Variants in PHB2 observed in about 807,000 individuals in gnomAD.
The protein encoded by PHB2 is prohibitin-2.
PHB2 carries 22 observed loss-of-function variants against 46.4 expected under a neutral mutation model. The observed-to-expected ratio is 0.47, with a 90% CI of 0.34 to 0.68. The LOEUF (loss-of-function observed/expected upper bound fraction) is 0.68. Among genes scored for constraint, PHB2 ranks in the 30% least tolerant of loss-of-function variants. PHB2 has a pLI of 0.01. For synonymous variants in PHB2, 156 were observed against 150.5 expected, an observed-to-expected ratio of 1.04 and a Z score of -0.27; for missense variants, 305 against 382.8, an observed-to-expected ratio of 0.80 and a Z score of 1.70.
In PHB2 at chr12:6,968,403, A is replaced by G; in HGVS notation, c.477+8T>C. On this transcript the variant is annotated splice_region_variant and intron_variant, in intron 4 of 9. Transcript: ENST00000535923. ...CTGACACCACGCAGATGGTGGTGGG[A>G]GTCAGACCTGGGCCCGCTGGGTGAT... is the stretch of plus-strand genomic sequence containing the variant. 2 of 1,594,224 alleles carry G rather than the reference A, an allele frequency of 1.3e-6. No individual in the cohort carries two copies.
At chr12:6,969,107 G>A (rs782749482) in intron 3 of PHB2, among the ~76,000 whole-genome samples, 13 of 152,066 alleles carry the variant, frequency 8.5e-5, no homozygotes, top group Non-Finnish European at 1.9e-4. Context: ...TTTTATGTAT[G>A]GTCTAGAAGG....
rs782488203 is a variant in PHB2 at position 6,970,403 on chromosome 12, C to A, written c.127+14G>T. The A allele has an allele frequency of 1.2e-6, 2 of 1,603,770 alleles. No individual in the cohort carries two copies. The highest frequency in any genetic ancestry group is 1.7e-5 in the Admixed American group (1 of 60,004). On this transcript the variant is annotated intron_variant, in intron 1 of 9. Transcript: ENST00000535923. ...GGACTGGAAGCGTCCGGCGAGCAGGCGGAGGTTGCTCACCGGTGAACACAG... is the reference window on the plus strand; with the variant it reads ...GGACTGGAAGCGTCCGGCGAGCAGGAGGAGGTTGCTCACCGGTGAACACAG...
intron 7 of PHB2, among the ~76,000 whole-genome samples, chr12:6,966,872 G>A (rs999315149): frequency 6.6e-6 from 1 of 152,186 alleles, no homozygotes; most frequent in Non-Finnish European, 1.5e-5. Flanking sequence ...AGCCTCCTGC[G>A]TAGCTGGGAA....
chr12:6,970,634 C>G lies in PHB2; in HGVS notation c.-91G>C. 7.0e-7 allele frequency: 1 copy of G among 1,420,874 alleles called. No homozygotes were observed. Among genetic ancestry groups the G allele is most frequent in the Non-Finnish European group, 9.4e-7 (1 of 1,058,528 alleles). The allele number at this position is 1,420,874 out of a possible 1,614,324, so 88.0% of individuals were successfully genotyped here. ...CGGCTTAGGTACTGCACCCTTCACA[C>G]GAGGGTTCGGGCCCGTAAGGCTGGC... On this transcript the variant is annotated 5_prime_UTR_variant, in exon 1 of 10. Transcript: ENST00000535923.
At position 6,969,486 on chromosome 12, in the gene PHB2, G is replaced by A. The variant is rs1555151553; in HGVS notation, c.292+12C>T. On this transcript the variant is annotated intron_variant, in intron 3 of 9. Transcript: ENST00000535923. ...CCCACCTGCCATGTGATTACCAAGT[G>A]CTCAGACCTACCTTTGGAGCCTGTA... 4.0e-6 allele frequency: 6 copies of A among 1,518,896 alleles called. 1 individual carries two copies. The highest frequency in any genetic ancestry group is 2.3e-5 in the South Asian group (2 of 86,990). The allele number at this position is 1,518,896 out of a possible 1,614,324, so 94.1% of individuals were successfully genotyped here. A position where few individuals can be genotyped will look rare whatever the true frequency, so the allele number is the denominator to read the frequency against.
rs781855813 is a variant in PHB2, at chr12:6,967,286, A to G, written c.712-38T>C. 37 of 1,612,550 alleles carry G rather than the reference A, an allele frequency of 2.3e-5. No individual in the cohort carries two copies. Among genetic ancestry groups the G allele is most frequent in the Non-Finnish European group, 2.9e-5 (34 of 1,178,904 alleles). ...AAGGTACACGCAAGGGCAGGTCTCA[A>G]TCCCTGGCCCTGTCCTTACCACACT... is the stretch of plus-strand genomic sequence containing the variant. On this transcript the variant is annotated intron_variant, in intron 6 of 9. Coordinates refer to ENST00000535923, the MANE Select transcript of PHB2 (RefSeq NM_001144831.2). The surrounding 1 kb of genome is among the most constrained non-coding windows in gnomAD (Gnocchi z 4.9).
chr12:6,970,554 G>C lies in PHB2; in HGVS notation c.-11C>G. On this transcript the variant is annotated 5_prime_UTR_variant, in exon 1 of 10. Transcript: ENST00000535923. The stretch of plus-strand genomic sequence containing the variant: ...CAAGTTCTGGGCCATGTCTGATCTT[G>C]AGGCCGGCGGCACTGGAGGTCAGAA... 1 of 1,584,748 alleles carries C rather than the reference G, an allele frequency of 6.3e-7. No homozygotes were observed. Among genetic ancestry groups the C allele is most frequent in the Non-Finnish European group, 8.6e-7 (1 of 1,168,678 alleles).
In PHB2 at chr12:6,970,184, G is replaced by A. The variant is rs1591703873; in HGVS notation, c.212+12C>T. Reference sequence around the variant, plus strand: ...TGAAAGGTCAGGGTCAGCAGGCTCTGCCCGCCATTACCTGAAGTGAAGGCC... The same window carrying A: ...TGAAAGGTCAGGGTCAGCAGGCTCTACCCGCCATTACCTGAAGTGAAGGCC... On this transcript the variant is annotated intron_variant, in intron 2 of 9. Transcript: ENST00000535923. 2 of 1,603,578 alleles carry A rather than the reference G, an allele frequency of 1.2e-6. No individual in the cohort carries two copies. Among genetic ancestry groups the A allele is most frequent in the East Asian group, 4.5e-5 (2 of 44,846 alleles).
At position 6,970,526 on chromosome 12, in the gene PHB2, C is replaced by T. The variant is rs1555151948; in HGVS notation, c.18G>A (p.Lys6=). The part of the protein sequence containing the change: MAQNL[K]DLAGRLPAGP... ...CGGCGGGCAGCCGTCCCGCCAAGTC[C>T]TTCAAGTTCTGGGCCATGTCTGATC... The change falls in exon 1 of 10, where the codon AAG becomes AAA. Residue 6 remains lysine (K), a synonymous_variant. Transcript: ENST00000535923. The T allele has an allele frequency of 1.9e-6, 3 of 1,604,120 alleles. No homozygotes were observed. The highest frequency in any genetic ancestry group is 2.2e-5 in the East Asian group (1 of 44,788).
Position 6,967,804 on chromosome 12 carries a change from A to AGAG in PHB2, c.608-26_608-25insCTC, listed in dbSNP as rs1946241139. On this transcript the variant is annotated intron_variant, in intron 5 of 9. Coordinates refer to ENST00000535923, the MANE Select transcript of PHB2 (RefSeq NM_001144831.2). This position sits in a 1 kb window ranked among gnomAD's most constrained non-coding sequence, Gnocchi z 4.9. ...GCTGTGGTGGGAGAGAGTCAGGGAG[A>AGAG]CCCTGTCCTGGGTCAGGAGCCCCAC... The AGAG allele has an allele frequency of 1.2e-6, 2 of 1,609,848 alleles. No homozygotes were observed. Among genetic ancestry groups the AGAG allele is most frequent in the Non-Finnish European group, 8.5e-7 (1 of 1,177,170 alleles).
chr12:6,969,706 C>G, intron 2 of PHB2, 129 bp from the exon 3 acceptor site: 2 of 617,572 alleles, frequency 3.2e-6, no homozygotes, highest in Admixed American at 2.5e-5. Context: ...TCGAGACCAG[C>G]TTGATCTACA....
In PHB2 at chr12:6,967,607, C is replaced by T. The variant is rs1555151067; in HGVS notation, c.711+69G>A. 3 of 1,262,654 alleles carry T rather than the reference C, an allele frequency of 2.4e-6. No homozygotes were observed. Among genetic ancestry groups the T allele is most frequent in the Non-Finnish European group, 3.5e-6 (3 of 861,972 alleles). The allele number at this position is 1,262,654 out of a possible 1,614,324, so 78.2% of individuals were successfully genotyped here. Reference sequence around the variant, plus strand: ...CATTCGCCTTAGTCTCATCAGCCTGCCCATGAAGGAGAATGGGGAACTCAG... The same window carrying T: ...CATTCGCCTTAGTCTCATCAGCCTGTCCATGAAGGAGAATGGGGAACTCAG... On this transcript the variant is annotated intron_variant, in intron 6 of 9. Coordinates refer to ENST00000535923, the MANE Select transcript of PHB2 (RefSeq NM_001144831.2). This position sits in a 1 kb window ranked among gnomAD's most constrained non-coding sequence, Gnocchi z 4.9.
chr12:6,968,513 C>T lies in PHB2; in HGVS notation c.375G>A (p.Gly125=). The T allele has an allele frequency of 6.2e-7, 1 of 1,613,564 alleles. No individual in the cohort carries two copies. Among genetic ancestry groups the T allele is most frequent in the Non-Finnish European group, 8.5e-7 (1 of 1,179,662 alleles). ...GCAACACTCGTTCCTCGTAGTCCAG[C>T]CCTAGGCGCTGGTACATGCTAGGAA... ...QELPSMYQRL[G]LDYEERVLPS... The change falls in exon 4 of 10, where the codon GGG becomes GGA. Residue 125 remains glycine (G), a synonymous_variant. Coordinates refer to ENST00000535923, the MANE Select transcript of PHB2 (RefSeq NM_001144831.2).
Position 6,970,179 on chromosome 12 carries a change from G to A in PHB2, c.212+17C>T, listed in dbSNP as rs1565591602. The A allele has an allele frequency of 1.3e-6, 2 of 1,595,000 alleles. No homozygotes were observed. Among genetic ancestry groups the A allele is most frequent in the Non-Finnish European group, 1.7e-6 (2 of 1,163,512 alleles). ...AAGGGTGAAAGGTCAGGGTCAGCAG[G>A]CTCTGCCCGCCATTACCTGAAGTGA... On this transcript the variant is annotated intron_variant, in intron 2 of 9. Coordinates refer to ENST00000535923, the MANE Select transcript of PHB2 (RefSeq NM_001144831.2).
At chr12:6,970,003 A>G (rs1565591429) in intron 2 of PHB2, 193 bp downstream of exon 2, 4 of 702,724 alleles carry the variant, frequency 5.7e-6, no homozygotes, top group South Asian at 3.0e-5. Flanking sequence ...ACAAGGAGAG[A>G]TTCTCTTGTC....
In PHB2 at chr12:6,967,308, C is replaced by T; in HGVS notation, c.712-60G>A. ...TCAATCCCTGGCCCTGTCCTTACCA[C>T]ACTCCCTTGCTCCAGTCCTCCTCTG... On this transcript the variant is annotated intron_variant, in intron 6 of 9. Transcript: ENST00000535923. The surrounding 1 kb of genome is among the most constrained non-coding windows in gnomAD (Gnocchi z 4.9). 6.2e-7 allele frequency: 1 copy of T among 1,611,522 alleles called. No individual in the cohort carries two copies. The highest frequency in any genetic ancestry group is 1.1e-5 in the South Asian group (1 of 90,912).
chr12:6,967,839 C>T lies in PHB2; in HGVS notation c.607+53G>A, dbSNP rs782717716. Reference sequence around the variant, plus strand: ...GGGTCAGGAGCCCCACCCATGGAGTCTTTCCTCCTCCTGCATCTCAGAAGC... The same window carrying T: ...GGGTCAGGAGCCCCACCCATGGAGTTTTTCCTCCTCCTGCATCTCAGAAGC... On this transcript the variant is annotated intron_variant, in intron 5 of 9. Coordinates refer to ENST00000535923, the MANE Select transcript of PHB2 (RefSeq NM_001144831.2). This position sits in a 1 kb window ranked among gnomAD's most constrained non-coding sequence, Gnocchi z 4.9. 1.4e-5 allele frequency: 23 copies of T among 1,610,104 alleles called. No homozygotes were observed. In the South Asian group the frequency reaches 1.8e-4, roughly 12 times the overall value.
chr12:6,966,722 G>A (rs951995224), intron 7 of PHB2, among the ~76,000 whole-genome samples: 1 of 152,148 alleles, frequency 6.6e-6, no homozygotes, highest in African/African-American at 2.4e-5. Context: ...TTCTTGACAG[G>A]AGGAGTATCG....
At chr12:6,966,768 G>A (rs57264269) in intron 7 of PHB2, among the ~76,000 whole-genome samples, 3,305 of 152,154 alleles carry the variant, frequency 0.022, 111 homozygotes, top group African/African-American at 0.071. Context: ...TTTTTGAGAC[G>A]GAGTCTTGCT....
Sources: allele counts gnomAD v4.1 joint callset (sites outside exome capture counted in the v4.1 genomes callset), GRCh38; gene constraint gnomAD v4.1.1; non-coding constraint Gnocchi (gnomAD v3.1); transcripts MANE v1.5; gene names NCBI Gene and HGNC (gene_info 2026-07-23, HGNC 2026-07-21).